The following ITGA8 variants were observed in gnomAD, a reference collection of about 807,000 sequenced individuals.
The protein encoded by ITGA8 is integrin subunit alpha 8.
In ITGA8, 91 loss-of-function variants were observed where a neutral mutation model predicts 142.3. The ratio of observed to expected loss-of-function variants is 0.64; its 90% confidence interval spans 0.54 to 0.76. ITGA8 has a LOEUF of 0.76. Ranked by LOEUF, ITGA8 falls within the 30% of genes least tolerant of loss-of-function variation. ITGA8 has a pLI of 0.00. For synonymous variants in ITGA8, 505 were observed against 485.2 expected, an observed-to-expected ratio of 1.04 and a Z score of -0.54; for missense variants, 1,406 against 1,327.7, an observed-to-expected ratio of 1.06 and a Z score of -0.92.
intron 27 of ITGA8, among the ~76,000 whole-genome samples, chr10:15,546,199 A>G (rs1407471036): frequency 6.6e-6 from 1 of 152,008 alleles, no homozygotes; most frequent in Non-Finnish European, 1.5e-5. Flanking sequence ...TGATCTCCCT[A>G]CACCATTCTA....
At chr10:15,641,857 T>C (rs1487415895) in intron 13 of ITGA8, among the ~76,000 whole-genome samples, 1 of 152,162 alleles carries the variant, frequency 6.6e-6, no homozygotes, top group Non-Finnish European at 1.5e-5. Context: ...TCGGCTGATG[T>C]GGTGGCTCAC....
intron 23 of ITGA8, among the ~76,000 whole-genome samples, chr10:15,584,649 G>A (rs1455190485): frequency 6.6e-6 from 1 of 152,178 alleles, no homozygotes; most frequent in Non-Finnish European, 1.5e-5. Flanking sequence ...TATATCCTCT[G>A]CTGACATTCT....
chr10:15,659,491 C>A (rs561340591), intron 9 of ITGA8, among the ~76,000 whole-genome samples: 2 of 152,268 alleles, frequency 1.3e-5, no homozygotes, highest in African/African-American at 4.8e-5. Flanking sequence ...TCTACTTAGA[C>A]AACCGTGATG....
At chr10:15,659,342 G>A (rs1834243762) in intron 9 of ITGA8, among the ~76,000 whole-genome samples, 1 of 152,184 alleles carries the variant, frequency 6.6e-6, no homozygotes, top group Non-Finnish European at 1.5e-5. Flanking sequence ...CAATTAACTT[G>A]ATGATTAGTT....
intron 25 of ITGA8, among the ~76,000 whole-genome samples, chr10:15,566,047 C>T (rs1022528503): frequency 8.5e-5 from 13 of 152,114 alleles, no homozygotes; most frequent in Admixed American, 6.5e-4. Flanking sequence ...GAAGAAAGTA[C>T]CCTAAAGGAT....
At chr10:15,606,176 G>T in intron 18 of ITGA8, 109 bp downstream of exon 18, 2 of 904,608 alleles carry the variant, frequency 2.2e-6, no homozygotes, top group Non-Finnish European at 3.3e-6. Flanking sequence ...TTCCATGTCT[G>T]CATGCAGAAG....
At chr10:15,585,307 C>T (rs1055234850) in intron 23 of ITGA8, among the ~76,000 whole-genome samples, 1 of 152,206 alleles carries the variant, frequency 6.6e-6, no homozygotes, top group African/African-American at 2.4e-5. Context: ...TAACCTTCAA[C>T]TCCTTGTGCC....
intron 26 of ITGA8, among the ~76,000 whole-genome samples, chr10:15,549,489 G>A (rs1429181717): frequency 1.3e-5 from 2 of 152,084 alleles, no homozygotes; most frequent in African/African-American, 4.8e-5. Context: ...GGGATTACAG[G>A]CATGAACCAC....
At chr10:15,704,456 A>G (rs1193606044) in intron 2 of ITGA8, among the ~76,000 whole-genome samples, 2 of 152,210 alleles carry the variant, frequency 1.3e-5, no homozygotes, top group Admixed American at 6.5e-5. Context: ...CCAGGTTTAC[A>G]AAACCCTTCC....
At chr10:15,707,881 C>T (rs959348544) in intron 2 of ITGA8, among the ~76,000 whole-genome samples, 12 of 150,828 alleles carry the variant, frequency 8.0e-5, no homozygotes, top group African/African-American at 2.9e-4. Context: ...TTGTTTAAAG[C>T]CACTAAGCAT....
intron 2 of ITGA8, 135 bp from the exon 3 acceptor site, chr10:15,688,173 G>A (rs1382012823): frequency 1.5e-6 from 1 of 646,624 alleles, no homozygotes. Flanking sequence ...ATTGAAAAGA[G>A]GCTGGGTATG....
At chr10:15,680,633 C>T (rs961035655) in intron 4 of ITGA8, among the ~76,000 whole-genome samples, 2 of 151,946 alleles carry the variant, frequency 1.3e-5, no homozygotes, top group Non-Finnish European at 2.9e-5. Flanking sequence ...CATGCACAAG[C>T]CTTTTAAAAA....
At chr10:15,601,236 A>T (rs988012410) in intron 20 of ITGA8, among the ~76,000 whole-genome samples, 9 of 141,710 alleles carry the variant, frequency 6.4e-5, no homozygotes, top group Non-Finnish European at 1.2e-4. Context: ...AAGACTCCAT[A>T]AAAAAAAGGA....
chr10:15,581,653 G>A (rs1036010591), intron 23 of ITGA8, among the ~76,000 whole-genome samples: 1 of 152,086 alleles, frequency 6.6e-6, no homozygotes, highest in Non-Finnish European at 1.5e-5. Context: ...TAACAAAAAA[G>A]TCTTTATTTG....
intron 29 of ITGA8, among the ~76,000 whole-genome samples, chr10:15,517,760 G>A (rs1274485007): frequency 2.6e-5 from 4 of 152,258 alleles, no homozygotes; most frequent in African/African-American, 7.2e-5. Flanking sequence ...GGAGGGCAGA[G>A]TGCTCACACC....
intron 23 of ITGA8, among the ~76,000 whole-genome samples, chr10:15,576,390 A>T (rs1834298891): frequency 6.6e-6 from 1 of 152,240 alleles, no homozygotes; most frequent in Non-Finnish European, 1.5e-5. Flanking sequence ...TTTATATAAA[A>T]AGCTGATTAC....
chr10:15,719,477 C>T (rs2131747629), intron 1 of ITGA8, 86 bp downstream of exon 1: 2 of 1,263,658 alleles, frequency 1.6e-6, no homozygotes, highest in Non-Finnish European at 2.1e-6. Flanking sequence ...TCCCAGGCTG[C>T]GGGGGGACTC....
chr10:15,706,747 A>G (rs1835265880), intron 2 of ITGA8, among the ~76,000 whole-genome samples: 1 of 152,052 alleles, frequency 6.6e-6, no homozygotes, highest in East Asian at 1.9e-4. Context: ...ACCAAAACTG[A>G]TCTTTTAAAA....
Position 15,578,114 on chromosome 10 carries a change from A to G in ITGA8, c.2373-2520T>C, listed in dbSNP as rs75179726. Among the ~76,000 whole-genome samples the G allele has an allele frequency of 3.8e-3, 584 of 152,230 alleles. 4 individuals carry two copies. The highest frequency in any genetic ancestry group is 0.014 in the African/African-American group (563 of 41,568). On this transcript the variant is annotated intron_variant, in intron 23 of 29. Coordinates refer to ENST00000378076, the MANE Select transcript of ITGA8 (RefSeq NM_003638.3). ...TATCAAAACCAGAATATTGTCATTG[A>G]CATAGTCAAGAACACTTCTATCACC...
Sources: gnomAD v4.1 joint callset for allele counts (sites outside exome capture counted in the v4.1 genomes callset) on GRCh38, gnomAD v4.1.1 for gene constraint, MANE v1.5 for transcripts, NCBI Gene and HGNC (gene_info 2026-07-23, HGNC 2026-07-21) for gene names.